The following ZNF423 variants were observed in gnomAD, a reference collection of about 807,000 sequenced individuals.
The protein encoded by ZNF423 is zinc finger protein 423.
Under a neutral mutation model 95.8 loss-of-function variants are expected in ZNF423, and 12 were observed. The ratio of observed to expected loss-of-function variants is 0.13; its 90% CI spans 0.08 to 0.20. The LOEUF (loss-of-function observed/expected upper bound fraction) is 0.20. Ranked by LOEUF, ZNF423 falls within the 10% of genes least tolerant of loss-of-function variation. ZNF423 has a pLI of 1.00. For missense variants in ZNF423, 1,316 were observed against 1,737.1 expected (o/e 0.76, Z 4.31); for synonymous variants, 749 against 711.9 (o/e 1.05, Z -0.83).
chr16:49,522,305 G>C (rs768164435), intron 7 of ZNF423, among the ~76,000 whole-genome samples: 4 of 152,194 alleles, frequency 2.6e-5, no homozygotes, highest in Non-Finnish European at 4.4e-5. Flanking sequence ...CACAATGTGA[G>C]AGAAGGTGGC....
At chr16:49,587,096 G>A (rs1405586094) in intron 5 of ZNF423, among the ~76,000 whole-genome samples, 3 of 152,162 alleles carry the variant, frequency 2.0e-5, no homozygotes, top group East Asian at 1.9e-4. Flanking sequence ...GGGAAAGACC[G>A]ATTTTCCCAG....
chr16:49,609,731 A>G (rs1215543068), intron 5 of ZNF423, among the ~76,000 whole-genome samples: 1 of 152,096 alleles, frequency 6.6e-6, no homozygotes, highest in African/African-American at 2.4e-5. Context: ...AAGTCCCAGA[A>G]GGAGATAAAA....
intron 1 of ZNF423, among the ~76,000 whole-genome samples, chr16:49,799,094 G>A (rs181701930): frequency 3.2e-3 from 483 of 152,260 alleles, no homozygotes; most frequent in Non-Finnish European, 4.9e-3. Flanking sequence ...GGAATAGGCT[G>A]CTGTCCCCCA....
At chr16:49,754,622 C>G (rs1197976824) in intron 2 of ZNF423, among the ~76,000 whole-genome samples, 1 of 152,200 alleles carries the variant, frequency 6.6e-6, no homozygotes, top group Non-Finnish European at 1.5e-5. Flanking sequence ...GCAGCTCGGG[C>G]TGCCTCAGGG....
intron 5 of ZNF423, among the ~76,000 whole-genome samples, chr16:49,539,333 C>G (rs1459785526): frequency 6.6e-6 from 1 of 152,260 alleles, no homozygotes; most frequent in African/African-American, 2.4e-5. Flanking sequence ...TCCCGGGAAC[C>G]CCATACCACC....
Position 49,730,782 on chromosome 16 carries a change from C to A in ZNF423, c.290G>T (p.Arg97Leu). ...CTGTTTTGCATTACCTCCAGGACAG[C>A]GGTGGGCCCGGTGGTCCGTCAGGTC... ...LADLTDHRAH[R>L]CPGDGDDDPQ... Residue 97 changes from arginine (R) to leucine (L), a missense_variant, in exon 3 of 8, where the codon CGC becomes CTC. Arg to Leu is a moderately radical substitution (Grantham distance 102, BLOSUM62 -2). This residue lies in a region of ZNF423 where 155 missense variants were observed against 170.8 expected (regional missense o/e 0.91). Transcript: ENST00000563137. 1 of 1,614,212 alleles carries A rather than the reference C, an allele frequency of 6.2e-7. No individual in the cohort carries two copies. The highest frequency in any genetic ancestry group is 8.5e-7 in the Non-Finnish European group (1 of 1,180,044).
chr16:49,594,813 A>ACAGAG (rs1971131192), intron 5 of ZNF423, among the ~76,000 whole-genome samples: 1 of 152,202 alleles, frequency 6.6e-6, no homozygotes, highest in African/African-American at 2.4e-5. Context: ...AACATGATAC[A>ACAGAG]CAGAGGCCAC....
chr16:49,756,747 C>T (rs12444073), intron 2 of ZNF423, among the ~76,000 whole-genome samples: 5 of 152,026 alleles, frequency 3.3e-5, no homozygotes, highest in Non-Finnish European at 5.9e-5. Flanking sequence ...CAAAAAGGCA[C>T]GGGTCATGGG....
At chr16:49,766,471 G>A (rs944047363) in intron 2 of ZNF423, among the ~76,000 whole-genome samples, 2 of 152,220 alleles carry the variant, frequency 1.3e-5, no homozygotes, top group Admixed American at 1.3e-4. Context: ...CCACAGCACT[G>A]AGAGACCCTC....
At chr16:49,679,240 G>T (rs775088517) in intron 3 of ZNF423, among the ~76,000 whole-genome samples, 18 of 152,286 alleles carry the variant, frequency 1.2e-4, no homozygotes, top group Non-Finnish European at 2.6e-4. Context: ...GATGCCAGCT[G>T]CAGTTGGGGA....
intron 1 of ZNF423, among the ~76,000 whole-genome samples, chr16:49,831,060 C>T (rs1239992097): frequency 6.6e-6 from 1 of 152,156 alleles, no homozygotes; most frequent in Non-Finnish European, 1.5e-5. Context: ...ATCAGAGATG[C>T]AACCCTCTCC....
At chr16:49,810,792 C>T (rs2034738314) in intron 1 of ZNF423, among the ~76,000 whole-genome samples, 1 of 152,232 alleles carries the variant, frequency 6.6e-6, no homozygotes, top group African/African-American at 2.4e-5. Flanking sequence ...GCAGTCGGCC[C>T]TACCGGACAC....
intron 2 of ZNF423, among the ~76,000 whole-genome samples, chr16:49,785,471 T>C (rs1233646299): frequency 2.6e-5 from 4 of 152,256 alleles, no homozygotes; most frequent in African/African-American, 9.6e-5. Flanking sequence ...TCACTTTAAA[T>C]GGGTGAATTG....
chr16:49,515,405 C>T (rs1218061160), intron 7 of ZNF423, among the ~76,000 whole-genome samples: 2 of 152,248 alleles, frequency 1.3e-5, no homozygotes, highest in Non-Finnish European at 2.9e-5. Context: ...AATCTATTAG[C>T]TCATATAAAT....
rs145075749 is a variant in ZNF423, at chr16:49,497,447, G to C, written c.3850-6143C>G. On this transcript the variant is annotated intron_variant, in intron 7 of 7. Coordinates refer to ENST00000563137, the MANE Select transcript of ZNF423 (RefSeq NM_001379286.1). The stretch of plus-strand genomic sequence containing the variant: ...AAAAAGAAGGCTTGGCTCTTCTCTG[G>C]AGACTAGGCCGTGGTTCTGGCCCTT... Among the ~76,000 whole-genome samples, 910 of 152,278 alleles carry C rather than the reference G, an allele frequency of 6.0e-3. 11 individuals carry two copies. The highest frequency in any genetic ancestry group is 0.02 in the African/African-American group (844 of 41,562).
intron 2 of ZNF423, among the ~76,000 whole-genome samples, chr16:49,754,029 CA>C (rs35566540): frequency 0.024 from 2,181 of 91,504 alleles, 23 homozygotes; most frequent in African/African-American, 0.058. Context: ...AAGACTCCGT[CA>C]AAAAAAAAAA....
intron 2 of ZNF423, among the ~76,000 whole-genome samples, chr16:49,736,499 G>A (rs754253576): frequency 5.3e-5 from 8 of 152,144 alleles, no homozygotes; most frequent in Admixed American, 2.0e-4. Flanking sequence ...ATCATGTTTC[G>A]CTGGAAAGCA....
intron 1 of ZNF423, among the ~76,000 whole-genome samples, chr16:49,831,005 C>T (rs1297038184): frequency 2.0e-5 from 3 of 152,138 alleles, no homozygotes; most frequent in African/African-American, 7.2e-5. Context: ...CCAGAAGACC[C>T]TGCAGGTTTC....
intron 5 of ZNF423, among the ~76,000 whole-genome samples, chr16:49,615,747 C>T (rs1162197740): frequency 6.6e-6 from 1 of 152,190 alleles, no homozygotes; most frequent in African/African-American, 2.4e-5. Context: ...CCCAGTTAAG[C>T]CCAGGCCAAC....
Sources: allele counts gnomAD v4.1 joint callset (sites outside exome capture counted in the v4.1 genomes callset), GRCh38; gene constraint gnomAD v4.1.1; regional missense constraint gnomAD v4.1.1; transcripts MANE v1.5; gene names NCBI Gene and HGNC (gene_info 2026-07-23, HGNC 2026-07-21).